ADAMTSL1: variants seen among roughly 807,000 people sequenced by gnomAD.
The protein encoded by ADAMTSL1 is ADAMTS like 1, also known as ADAMTS-like protein 1.
Under a neutral mutation model 201.8 loss-of-function variants are expected in ADAMTSL1, and 126 were observed. That is an observed-to-expected ratio of 0.62 (90% CI 0.54 to 0.72). The LOEUF is 0.72. ADAMTSL1 is among the 30% of genes least tolerant of loss of function. The pLI, the probability that ADAMTSL1 is intolerant of heterozygous loss-of-function variation, is 0.00. For missense variants in ADAMTSL1, 2,679 were observed against 2,277.8 expected (o/e 1.18, Z -3.59); for synonymous variants, 1,121 against 903.4 (o/e 1.24, Z -4.32).
At chr9:18,510,059 CA>C (rs1554692001) in intron 2 of ADAMTSL1, among the ~76,000 whole-genome samples, 6 of 152,128 alleles carry the variant, frequency 3.9e-5, no homozygotes, top group Non-Finnish European at 8.8e-5. Context: ...ATATTGAGTC[CA>C]AATAAATCCC....
chr9:18,861,517 C>G (rs1827216117), intron 23 of ADAMTSL1, among the ~76,000 whole-genome samples: 1 of 152,140 alleles, frequency 6.6e-6, no homozygotes, highest in African/African-American at 2.4e-5. Flanking sequence ...AAATCCAAGG[C>G]AAACTGAGAA....
rs112101242 is a variant in ADAMTSL1, at chr9:18,321,101, A to G, written c.207+157120A>G. ...AACATAAACCCACAAGTAAGTTTTA[A>G]GTAAAAGGATGGAAACAGATATGAC... On this transcript the variant is annotated intron_variant, in intron 2 of 29. Transcript: ENST00000680146. Among the ~76,000 whole-genome samples, 1,395 of 152,336 alleles carry G rather than the reference A, an allele frequency of 9.2e-3. 31 individuals carry two copies. Among genetic ancestry groups the G allele is most frequent in the African/African-American group, 0.032 (1,320 of 41,582 alleles).
chr9:18,124,883 C>T (rs1213798995), intron 1 of ADAMTSL1, among the ~76,000 whole-genome samples: 1 of 152,034 alleles, frequency 6.6e-6, no homozygotes, highest in Non-Finnish European at 1.5e-5. Context: ...TTCTTAGTGT[C>T]CAATGCCAGA....
chr9:18,014,693 G>A (rs1438585172), intron 1 of ADAMTSL1, among the ~76,000 whole-genome samples: 2 of 148,830 alleles, frequency 1.3e-5, no homozygotes, highest in African/African-American at 5.2e-5. Flanking sequence ...GATCATGTTG[G>A]ATCAGTGGGA....
intron 2 of ADAMTSL1, among the ~76,000 whole-genome samples, chr9:18,452,995 C>T (rs1487921222): frequency 1.3e-5 from 2 of 152,204 alleles, no homozygotes; most frequent in South Asian, 2.1e-4. Context: ...TAGGAGCTCT[C>T]CGCAGTGGCT....
intron 2 of ADAMTSL1, among the ~76,000 whole-genome samples, chr9:18,381,814 G>C (rs1427092509): frequency 6.6e-6 from 1 of 151,784 alleles, no homozygotes; most frequent in Non-Finnish European, 1.5e-5. Context: ...CCCTTCACAT[G>C]CTCCTGGTGA....
chr9:18,622,886 T>C (rs918462680), intron 5 of ADAMTSL1, among the ~76,000 whole-genome samples: 1 of 152,000 alleles, frequency 6.6e-6, no homozygotes, highest in Non-Finnish European at 1.5e-5. Context: ...TTTTGGTGTT[T>C]TGTTTTTGTT....
rs1817724182 is a variant in ADAMTSL1, at chr9:17,960,893, T to C, written c.87+53971T>C. ...GTAACTATGTCAGGTCTCTGGACTGTTCACCCATTTTTCCTTCCTTATCCT... is the reference window on the plus strand; with the variant it reads ...GTAACTATGTCAGGTCTCTGGACTGCTCACCCATTTTTCCTTCCTTATCCT... On this transcript the variant is annotated intron_variant, in intron 1 of 29. Transcript: ENST00000680146. Among the ~76,000 whole-genome samples the C allele has an allele frequency of 2.0e-5, 3 of 152,336 alleles. No homozygotes were observed. In the South Asian group the frequency reaches 6.2e-4, roughly 32 times the overall value.
intron 2 of ADAMTSL1, among the ~76,000 whole-genome samples, chr9:18,458,788 A>G (rs1372488917): frequency 6.6e-6 from 1 of 152,182 alleles, no homozygotes; most frequent in African/African-American, 2.4e-5. Flanking sequence ...TTGTTTTTTA[A>G]AAAAGAAAAC....
intron 1 of ADAMTSL1, among the ~76,000 whole-genome samples, chr9:17,934,433 A>T (rs763264310): frequency 6.6e-6 from 1 of 152,094 alleles, no homozygotes; most frequent in Non-Finnish European, 1.5e-5. Context: ...TAACTTTCTC[A>T]ACTTCCTGCT....
intron 4 of ADAMTSL1, among the ~76,000 whole-genome samples, chr9:18,592,479 A>T (rs144782000): frequency 7.2e-5 from 11 of 152,260 alleles, no homozygotes; most frequent in African/African-American, 2.4e-4. Flanking sequence ...GCAACTTCTC[A>T]TGTAGTTGTA....
intron 1 of ADAMTSL1, among the ~76,000 whole-genome samples, chr9:18,494,794 G>C (rs1587370870): frequency 6.6e-6 from 1 of 152,284 alleles, no homozygotes; most frequent in East Asian, 1.9e-4. Context: ...TGCTCAAAAT[G>C]TGGCATAGAG....
At chr9:18,530,922 C>T (rs549462076) in intron 2 of ADAMTSL1, among the ~76,000 whole-genome samples, 12 of 152,272 alleles carry the variant, frequency 7.9e-5, no homozygotes, top group East Asian at 7.7e-4. Context: ...AATTGAAAAG[C>T]ATACCACATT....
chr9:18,049,854 A>G (rs1218424466), intron 1 of ADAMTSL1, among the ~76,000 whole-genome samples: 1 of 152,044 alleles, frequency 6.6e-6, no homozygotes, highest in Admixed American at 6.5e-5. Context: ...CGATCTCCTG[A>G]CCTCGTGATC....
intron 1 of ADAMTSL1, among the ~76,000 whole-genome samples, chr9:18,105,882 A>C (rs1587063756): frequency 1.3e-5 from 2 of 152,354 alleles, no homozygotes; most frequent in East Asian, 1.9e-4. Context: ...GCACCATGTC[A>C]GGGTTCTAAA....
chr9:17,935,590 G>C (rs2131331064), intron 1 of ADAMTSL1, among the ~76,000 whole-genome samples: 1 of 152,192 alleles, frequency 6.6e-6, no homozygotes, highest in African/African-American at 2.4e-5. Context: ...CAAAGCCATT[G>C]CCAATGATCA....
intron 5 of ADAMTSL1, among the ~76,000 whole-genome samples, chr9:18,627,648 C>T (rs186956615): frequency 3.3e-5 from 5 of 152,302 alleles, no homozygotes; most frequent in African/African-American, 4.8e-5. Flanking sequence ...TCAGATCTCT[C>T]TCTGACTCAA....
chr9:18,908,886 G>A lies in ADAMTSL1; in HGVS notation c.*338G>A, dbSNP rs954467913. 2.7e-5 allele frequency: 6 copies of A among 218,270 alleles called. No homozygotes were observed. The highest frequency in any genetic ancestry group is 1.7e-4 in the South Asian group (2 of 11,560). The allele number at this position is 218,270 out of a possible 1,614,324, so 13.5% of individuals were successfully genotyped here. A position where few individuals can be genotyped will look rare whatever the true frequency, so the allele number is the denominator to read the frequency against. Reference sequence around the variant, plus strand: ...AGAAAGAGGCAGGCACAGCCCCTGCGGACAGCAGGGAGCCAGAAGGTTTGT... The same window carrying A: ...AGAAAGAGGCAGGCACAGCCCCTGCAGACAGCAGGGAGCCAGAAGGTTTGT... On this transcript the variant is annotated 3_prime_UTR_variant, in exon 29 of 29. Transcript: ENST00000380548.
At chr9:18,331,966 C>T (rs1391693989) in intron 2 of ADAMTSL1, among the ~76,000 whole-genome samples, 1 of 152,036 alleles carries the variant, frequency 6.6e-6, no homozygotes, top group Non-Finnish European at 1.5e-5. Context: ...TTATATTTTT[C>T]CTTGATAAGG....
Sources: allele counts gnomAD v4.1 joint callset (sites outside exome capture counted in the v4.1 genomes callset), GRCh38; gene constraint gnomAD v4.1.1; transcripts MANE v1.5; gene names NCBI Gene and HGNC (gene_info 2026-07-23, HGNC 2026-07-21).